GRK6: variants seen among roughly 807,000 people sequenced by gnomAD.
GRK6 encodes the protein G protein-coupled receptor kinase 6.
In GRK6, 37 loss-of-function variants were observed where a neutral mutation model predicts 80.8. The ratio of observed to expected loss-of-function variants is 0.46; its 90% CI spans 0.35 to 0.60. GRK6 has a LOEUF of 0.60. Among genes scored for constraint, GRK6 ranks in the 20% least tolerant of loss-of-function variants. The pLI, the probability that GRK6 is intolerant of heterozygous loss-of-function variation, is 0.00. For missense variants in GRK6, 560 were observed against 784.6 expected (o/e 0.71, Z 3.42); for synonymous variants, 295 against 320.9 (o/e 0.92, Z 0.86).
At chr5:177,435,961 C>G in intron 11 of GRK6, 112 bp from the exon 12 acceptor site, 3 of 886,138 alleles carry the variant, frequency 3.4e-6, no homozygotes, top group Non-Finnish European at 5.3e-6. Context: ...AAGGTCCCCC[C>G]TGGCCAGCGG....
In GRK6 at chr5:177,436,285, C is replaced by G; in HGVS notation, c.1266+4C>G. On this transcript the variant is annotated splice_donor_region_variant and intron_variant, in intron 12 of 15. Transcript: ENST00000355472. ...GGCCCGCTCACTTTGCTCACAGGTA[C>G]GGCAGCTCACAGAAGCCTGGCCAGC... 1 of 1,613,944 alleles carries G rather than the reference C, an allele frequency of 6.2e-7. No individual in the cohort carries two copies. Among genetic ancestry groups the G allele is most frequent in the Non-Finnish European group, 8.5e-7 (1 of 1,179,942 alleles).
chr5:177,429,335 C>T lies in GRK6; in HGVS notation c.53-1537C>T, dbSNP rs907115209. On this transcript the variant is annotated intron_variant, in intron 1 of 15. Coordinates refer to ENST00000355472, the MANE Select transcript of GRK6 (RefSeq NM_001004106.3). This position sits in a 1 kb window ranked among gnomAD's most constrained non-coding sequence, Gnocchi z 4.3. The stretch of plus-strand genomic sequence containing the variant: ...GCTCCACTGACTGGGCAGCCCAGGA[C>T]AGGATATTTGCATGTGACTCTTTGC... 6.6e-6 allele frequency among the ~76,000 whole-genome samples: 1 copy of T among 151,980 alleles called. No individual in the cohort carries two copies. Among genetic ancestry groups the T allele is most frequent in the Non-Finnish European group, 1.5e-5 (1 of 67,992 alleles).
At position 177,433,807 on chromosome 5, in the gene GRK6, G is replaced by A. The variant is rs893798332; in HGVS notation, c.739-107G>A. ...TTTGGGGTGTTGACACCAGGCTTGG[G>A]GAGCAGGCTGGGCCCAAGGAGTGGC... is the stretch of plus-strand genomic sequence containing the variant. On this transcript the variant is annotated intron_variant, in intron 8 of 15. Coordinates refer to ENST00000355472, the MANE Select transcript of GRK6 (RefSeq NM_001004106.3). The A allele has an allele frequency of 2.0e-6, 3 of 1,503,538 alleles. No homozygotes were observed. In the African/African-American group the frequency reaches 4.2e-5, roughly 21 times the overall value. The allele number at this position is 1,503,538 out of a possible 1,614,324, so 93.1% of individuals were successfully genotyped here.
At chr5:177,434,980 T>G (rs1201585918) in intron 10 of GRK6, 41 bp downstream of exon 10, 2 of 1,613,222 alleles carry the variant, frequency 1.2e-6, no homozygotes, top group Admixed American at 1.7e-5. Flanking sequence ...TGGGGTGAGA[T>G]GCAGAGGCCT....
At chr5:177,431,910 G>A in intron 2 of GRK6, 85 bp from the exon 3 acceptor site, 1 of 1,184,172 alleles carries the variant, frequency 8.4e-7, no homozygotes, top group Non-Finnish European at 1.3e-6. Flanking sequence ...GCTGTTGTGG[G>A]GGCCCAGGGC....
chr5:177,434,784 T>C, intron 9 of GRK6, 118 bp from the exon 10 acceptor site: 1 of 1,108,654 alleles, frequency 9.0e-7, no homozygotes, highest in Non-Finnish European at 1.4e-6. Context: ...TGGCAGCAAA[T>C]GAGTCTCGCA....
upstream of GRK6, among the ~76,000 whole-genome samples, chr5:177,426,018 C>T (rs1325122414): frequency 6.6e-6 from 1 of 152,234 alleles, no homozygotes; most frequent in African/African-American, 2.4e-5. Flanking sequence ...GAAATCACAA[C>T]ATCCGGCTGC....
rs966033174 is a variant in GRK6, at chr5:177,433,946, C to T, written c.771C>T (p.Asp257=). 7 of 1,601,800 alleles carry T rather than the reference C, an allele frequency of 4.4e-6. No individual in the cohort carries two copies. Among genetic ancestry groups the T allele is most frequent in the Admixed American group, 1.7e-5 (1 of 59,004 alleles). ...TGGCCTACGCCTATGAGACCAAGGA[C>T]GCGCTGTGCCTGGTGCTGACACTGA... ...VSLAYAYETK[D]ALCLVLTLMN... is the part of the protein sequence containing the mutation. The change falls in exon 9 of 16, where the codon GAC becomes GAT. Residue 257 remains aspartate (D), a synonymous_variant. Transcript: ENST00000355472.
At chr5:177,436,027 A>T in intron 11 of GRK6, 46 bp from the exon 12 acceptor site, 1 of 1,546,572 alleles carries the variant, frequency 6.5e-7, no homozygotes, top group African/African-American at 1.4e-5. Flanking sequence ...CTGAGGGTCC[A>T]CTGCCCGCCT....
Position 177,442,112 on chromosome 5 carries a change from GC to G in GRK6, c.*323del. The G allele has an allele frequency of 2.8e-6, 1 of 352,066 alleles. No individual in the cohort carries two copies. Among genetic ancestry groups the G allele is most frequent in the Non-Finnish European group, 5.2e-6 (1 of 193,312 alleles). 21.8% of individuals were successfully genotyped at this position (352,066 alleles called of 1,614,324 possible). On this transcript the variant is annotated 3_prime_UTR_variant, in exon 16 of 16. Transcript: ENST00000355472. ...CCGCAGACCTGGCGCCCCCGCCTTGGCTCCTGGGGGCAGCCAGCCCTGGCTG... is the reference window on the plus strand; with the variant it reads ...CCGCAGACCTGGCGCCCCCGCCTTGGTCCTGGGGGCAGCCAGCCCTGGCTG...
intron 1 of GRK6, among the ~76,000 whole-genome samples, chr5:177,427,867 G>A (rs1763734042): frequency 6.6e-6 from 1 of 152,184 alleles, no homozygotes; most frequent in Admixed American, 6.5e-5. Context: ...AAAGTCATCT[G>A]CTTCACCTTT....
intron 1 of GRK6, among the ~76,000 whole-genome samples, chr5:177,427,338 C>G (rs1763714683): frequency 1.3e-5 from 2 of 152,238 alleles, no homozygotes; most frequent in Admixed American, 1.3e-4. Context: ...CTCTGCGTAG[C>G]ACAGCCCACC....
Position 177,436,062 on chromosome 5 carries a change from C to G in GRK6, c.1058-11C>G. 1 of 1,610,350 alleles carries G rather than the reference C, an allele frequency of 6.2e-7. No individual in the cohort carries two copies. The highest frequency in any genetic ancestry group is 2.2e-5 in the East Asian group (1 of 44,792). On this transcript the variant is annotated splice_polypyrimidine_tract_variant and intron_variant, in intron 11 of 15. Transcript: ENST00000355472. Reference sequence around the variant, plus strand: ...TCCTGCCCAGCCCTAACTCCCATGCCGCCCGCCCAGCTCCGGAGGTGGTGA... The same window carrying G: ...TCCTGCCCAGCCCTAACTCCCATGCGGCCCGCCCAGCTCCGGAGGTGGTGA...
intron 1 of GRK6, among the ~76,000 whole-genome samples, chr5:177,427,815 T>C (rs1763732915): frequency 6.6e-6 from 1 of 152,184 alleles, no homozygotes; most frequent in African/African-American, 2.4e-5. Context: ...AGGAGGGAGA[T>C]TGTGACAGTT....
At chr5:177,432,861 G>T (rs576755321) in intron 5 of GRK6, 55 bp downstream of exon 5, 3 of 1,376,826 alleles carry the variant, frequency 2.2e-6, no homozygotes, top group African/African-American at 2.8e-5. Context: ...GGGGGCTTCT[G>T]GGGGCCAGGA....
chr5:177,436,910 T>C (rs1764186413), intron 13 of GRK6, among the ~76,000 whole-genome samples: 1 of 152,056 alleles, frequency 6.6e-6, no homozygotes, highest in Non-Finnish European at 1.5e-5. Flanking sequence ...TCTCCTTCCT[T>C]CCTTCGTTCT....
chr5:177,432,086 C>T lies in GRK6; in HGVS notation c.240C>T (p.Cys80=), dbSNP rs538655077. 1.6e-5 allele frequency: 25 copies of T among 1,611,136 alleles called. No homozygotes were observed. The highest frequency in any genetic ancestry group is 1.2e-4 in the African/African-American group (9 of 75,042). ...FCATRPELSR[C]VAFLDGVAEY... ...CCACGAGGCCGGAGCTGAGCCGCTG[C>T]GTCGCCTTCCTGGATGGGGTGGTGA... is the stretch of plus-strand genomic sequence containing the variant. The change falls in exon 3 of 16, where the codon TGC becomes TGT. Residue 80 remains cysteine (C), a synonymous_variant. Coordinates refer to ENST00000355472, the MANE Select transcript of GRK6 (RefSeq NM_001004106.3).
rs762010958 is a variant in GRK6 at position 177,436,178 on chromosome 5, GGAA to G, written c.1172_1174del (p.Lys391del). On this transcript the variant is annotated inframe_deletion, in exon 12 of 16. Coordinates refer to ENST00000355472, the MANE Select transcript of GRK6 (RefSeq NM_001004106.3). ...GCAGGCCAGTCGCCCTTCCAGCAGAGGAAGAAGAAGATCAAGCGGGAGGAGGTG... is the reference window on the plus strand; with the variant it reads ...GCAGGCCAGTCGCCCTTCCAGCAGAGGAAGAAGATCAAGCGGGAGGAGGTG... 8 of 1,614,102 alleles carry G rather than the reference GGAA, an allele frequency of 5.0e-6. No individual in the cohort carries two copies. Among genetic ancestry groups the G allele is most frequent in the African/African-American group, 1.3e-5 (1 of 74,936 alleles).
At chr5:177,426,667 G>A (rs1763682551), upstream of GRK6, 1 of 163,898 alleles carries the variant, frequency 6.1e-6, no homozygotes, top group African/African-American at 2.4e-5. Context: ...GTGGCCCCCG[G>A]GAGGGGGCGG....
Sources: gnomAD v4.1 joint callset for allele counts (sites outside exome capture counted in the v4.1 genomes callset) on GRCh38, gnomAD v4.1.1 for gene constraint, Gnocchi (gnomAD v3.1) non-coding constraint, MANE v1.5 for transcripts, NCBI Gene and HGNC (gene_info 2026-07-23, HGNC 2026-07-21) for gene names.